SVOPL: variants seen among roughly 807,000 people sequenced by gnomAD.
SVOPL encodes putative transporter SVOPL.
Under a neutral mutation model 61.0 loss-of-function variants are expected in SVOPL, and 60 were observed. That is an observed-to-expected ratio of 0.98 (90% CI 0.80 to 1.22). The LOEUF (loss-of-function observed/expected upper bound fraction) is 1.22, where lower values mean the gene tolerates loss of function less well. Ranked by LOEUF, SVOPL falls within the 50% of genes most tolerant of loss-of-function variation. SVOPL has a pLI of 0.00. For missense variants in SVOPL, 662 were observed against 643.9 expected, an observed-to-expected ratio of 1.03 and a Z score of -0.30; for synonymous variants, 279 against 250.0, an observed-to-expected ratio of 1.12 and a Z score of -1.09.
intron 9 of SVOPL, among the ~76,000 whole-genome samples, chr7:138,632,964 A>G (rs1422452056): frequency 6.6e-6 from 1 of 152,144 alleles, no homozygotes; most frequent in East Asian, 1.9e-4. Context: ...GACAATCAGA[A>G]TTTTACAGCC....
intron 14 of SVOPL, among the ~76,000 whole-genome samples, chr7:138,620,185 A>G (rs1799498374): frequency 7.5e-6 from 1 of 133,064 alleles, no homozygotes; most frequent in Non-Finnish European, 1.5e-5. Flanking sequence ...CAGTGACGCG[A>G]TCTCGGCTCA....
At position 138,629,174 on chromosome 7, in the gene SVOPL, G is replaced by A. The variant is rs371968019; in HGVS notation, c.864-811C>T. Among the ~76,000 whole-genome samples, 128 of 127,566 alleles carry A rather than the reference G, an allele frequency of 1.0e-3. 1 individual carries two copies. In the South Asian group the frequency reaches 0.029, roughly 29 times the overall value. 83.7% of individuals were successfully genotyped at this position (127,566 alleles called of 152,430 possible). On this transcript the variant is annotated intron_variant, in intron 10 of 15. Coordinates refer to ENST00000674285, the MANE Select transcript of SVOPL (RefSeq NM_001139456.2). ...GTGTGTATATATGTATATATAATTT[G>A]CTGGAAATATACATGGCAAATTTCT...
chr7:138,661,807 A>T, intron 5 of SVOPL: 4 of 964,954 alleles, frequency 4.1e-6, no homozygotes, highest in Non-Finnish European at 4.9e-6. Flanking sequence ...ACTGGACTGT[A>T]TGACTTCCGA....
chr7:138,659,984 A>G lies in SVOPL; in HGVS notation c.350T>C (p.Leu117Pro), dbSNP rs1801932868. 6.4e-7 allele frequency: 1 copy of G among 1,551,578 alleles called. No homozygotes were observed. ...GGCTCCCCACAGGAACGAGATGAGC[A>G]GAATCTGAAGCAACAGCAGAACACA... ...LADRYGRWKI[L>P]LISFLWGAYF... The change falls in exon 6 of 16, where the codon CTG becomes CCG. Residue 117 changes from leucine to proline, a missense_variant. Leu to Pro is a moderately conservative substitution (Grantham distance 98). Transcript: ENST00000674285.
At chr7:138,628,766 G>C (rs112708886) in intron 10 of SVOPL, among the ~76,000 whole-genome samples, 2 of 152,266 alleles carry the variant, frequency 1.3e-5, no homozygotes, top group African/African-American at 4.8e-5. Flanking sequence ...ATGGTATCTT[G>C]TTGGGTTTTA....
chr7:138,688,931 TA>T (rs1802878991), intron 1 of SVOPL: 2 of 518,088 alleles, frequency 3.9e-6, no homozygotes, highest in South Asian at 3.5e-5. Flanking sequence ...TTCGTTAAGA[TA>T]AAGTCAGCTC....
At chr7:138,615,142 T>TC (rs1400569214) in intron 14 of SVOPL, among the ~76,000 whole-genome samples, 1 of 152,088 alleles carries the variant, frequency 6.6e-6, no homozygotes, top group East Asian at 1.9e-4. Flanking sequence ...GGTGCTTTTG[T>TC]CCCTCCAAAA....
At chr7:138,640,604 TC>T (rs1386586316) in intron 9 of SVOPL, among the ~76,000 whole-genome samples, 1 of 152,184 alleles carries the variant, frequency 6.6e-6, no homozygotes, top group Non-Finnish European at 1.5e-5. Context: ...TGAAATCATG[TC>T]CTTTACAACA....
chr7:138,596,515 A>G lies in SVOPL; in HGVS notation c.1369T>C (p.Ser457Pro). 1 of 1,613,766 alleles carries G rather than the reference A, an allele frequency of 6.2e-7. No individual in the cohort carries two copies. The highest frequency in any genetic ancestry group is 8.5e-7 in the Non-Finnish European group (1 of 1,179,778). The change falls in exon 15 of 16, where the codon TCA (serine) becomes CCA (proline). Residue 457 changes from serine (S) to proline (P), a missense_variant. Ser to Pro is a moderately conservative substitution (Grantham distance 74). Transcript: ENST00000674285. ...AAGAGACACAGGGCCCCCAGTATTG[A>G]TGCACTCATAAGAACCTGCAAGTCA... Reference protein sequence around the residue: ...PFISQVLMSASILGALCLFSS... With the variant: ...PFISQVLMSAPILGALCLFSS...
chr7:138,596,330 A>T, intron 15 of SVOPL, 87 bp downstream of exon 15: 1 of 1,063,332 alleles, frequency 9.4e-7, no homozygotes, highest in Non-Finnish European at 1.4e-6. Context: ...TAGTTATTTT[A>T]ACTACAATGA....
intron 7 of SVOPL, among the ~76,000 whole-genome samples, chr7:138,656,222 G>A (rs1460325597): frequency 6.6e-6 from 1 of 152,122 alleles, no homozygotes; most frequent in Non-Finnish European, 1.5e-5. Flanking sequence ...TGTGTACATT[G>A]CTTTTTAGGC....
At chr7:138,682,070 T>A (rs572172422) in intron 1 of SVOPL, among the ~76,000 whole-genome samples, 38 of 152,294 alleles carry the variant, frequency 2.5e-4, no homozygotes, top group African/African-American at 9.1e-4. Flanking sequence ...TGTCTGTACA[T>A]CAGGGTAACA....
In SVOPL at chr7:138,628,291, A is replaced by G. The variant is rs112976330; in HGVS notation, c.936T>C (p.Cys312=). The G allele has an allele frequency of 9.9e-6, 16 of 1,614,196 alleles. No individual in the cohort carries two copies. The highest frequency in any genetic ancestry group is 1.6e-4 in the Middle Eastern group (1 of 6,062). ...SAELLERDLV[C]GSKSDSAVVV... ...CCACCGCAGAGTCTGACTTTGAACC[A>G]CAGACCAAGTCCCGCTCCAGCAGCT... is the stretch of plus-strand genomic sequence containing the variant. The change falls in exon 11 of 16, where the codon TGT becomes TGC. Residue 312 remains cysteine (C), a synonymous_variant. Transcript: ENST00000674285.
intron 1 of SVOPL, among the ~76,000 whole-genome samples, chr7:138,693,611 A>AG (rs757960552): frequency 3.6e-4 from 45 of 126,758 alleles, no homozygotes; most frequent in Admixed American, 2.7e-3. Context: ...GAAAGAAAAA[A>AG]GAAAGAAAGA....
At chr7:138,651,146 G>C (rs1032994122) in intron 7 of SVOPL, among the ~76,000 whole-genome samples, 2 of 152,110 alleles carry the variant, frequency 1.3e-5, no homozygotes, top group Non-Finnish European at 2.9e-5. Context: ...AGGGAGGTAG[G>C]ACAGCCTAAA....
Position 138,649,039 on chromosome 7 carries a change from C to G in SVOPL, c.633G>C (p.Pro211=). The change falls in exon 8 of 16, where the codon CCG becomes CCC. Residue 211 remains proline, a synonymous_variant. Coordinates refer to ENST00000674285, the MANE Select transcript of SVOPL (RefSeq NM_001139456.2). ...TGAAGGCCACGATGAGGATGATGCC[C>G]GGGATGGAGGCGACGCGAATGAGCC... ...WRWLIRVASI[P]GIILIVAFKF... The G allele has an allele frequency of 6.2e-7, 1 of 1,613,724 alleles. No homozygotes were observed. The highest frequency in any genetic ancestry group is 8.5e-7 in the Non-Finnish European group (1 of 1,179,890).
At chr7:138,661,606 A>G in intron 5 of SVOPL, 3 of 985,334 alleles carry the variant, frequency 3.0e-6, no homozygotes, top group Non-Finnish European at 3.6e-6. Flanking sequence ...TGTGACGCTC[A>G]TCCATTATCT....
intron 9 of SVOPL, among the ~76,000 whole-genome samples, chr7:138,639,969 T>C (rs1379597702): frequency 1.3e-5 from 2 of 151,996 alleles, no homozygotes; most frequent in South Asian, 2.1e-4. Flanking sequence ...ATGCCCAGGC[T>C]GGTCTCAAAA....
intron 9 of SVOPL, among the ~76,000 whole-genome samples, chr7:138,641,671 CAAAAA>C: frequency 9.9e-6 from 1 of 101,386 alleles, no homozygotes; most frequent in Middle Eastern, 5.0e-3. Context: ...AACTCCATCT[CAAAAA>C]AAAAAAAAAA....
Sources: gnomAD v4.1 joint callset for allele counts (sites outside exome capture counted in the v4.1 genomes callset) on GRCh38, gnomAD v4.1.1 for gene constraint, MANE v1.5 for transcripts, NCBI Gene and HGNC (gene_info 2026-07-23, HGNC 2026-07-21) for gene names.